The following CLMN variants were observed in gnomAD, a reference collection of about 807,000 sequenced individuals.
CLMN encodes calmin.
CLMN carries 57 observed loss-of-function variants against 92.7 expected under a neutral mutation model. The observed-to-expected ratio is 0.61, with a 90% CI of 0.50 to 0.77. The LOEUF is 0.77. Among genes scored for constraint, CLMN ranks in the 30% least tolerant of loss-of-function variants. The pLI, the probability that CLMN is intolerant of heterozygous loss-of-function variation, is 0.00. For missense variants in CLMN, 1,158 were observed against 1,237.5 expected, an observed-to-expected ratio of 0.94 and a Z score of 0.96; for synonymous variants, 466 against 470.6, an observed-to-expected ratio of 0.99 and a Z score of 0.13.
chr14:95,310,191 C>T (rs1018633717), intron 1 of CLMN, among the ~76,000 whole-genome samples: 2 of 152,242 alleles, frequency 1.3e-5, no homozygotes, highest in Non-Finnish European at 2.9e-5. Flanking sequence ...ACTTCCTGAA[C>T]AGCCTGCAGA....
At chr14:95,250,999 C>T (rs1031007760) in intron 1 of CLMN, among the ~76,000 whole-genome samples, 2 of 152,156 alleles carry the variant, frequency 1.3e-5, no homozygotes, top group African/African-American at 2.4e-5. Context: ...TGGTTCTTAA[C>T]GACAGTACAG....
Position 95,319,730 on chromosome 14 carries a change from G to A in CLMN, c.63C>T (p.Ile21=). The change falls in exon 1 of 13, where the codon ATC becomes ATT. Residue 21 remains isoleucine (I), a synonymous_variant. Transcript: ENST00000298912. ...REELIGQISD[I]RVQNLQVERE... is the part of the protein sequence containing the mutation. The stretch of plus-strand genomic sequence containing the variant: ...CGTTACCTTGCAGGTTCTGCACTCG[G>A]ATGTCGCTAATCTGCCCGATGAGCT... The A allele has an allele frequency of 6.3e-7, 1 of 1,599,086 alleles. No individual in the cohort carries two copies. The highest frequency in any genetic ancestry group is 1.1e-5 in the South Asian group (1 of 90,710).
intron 2 of CLMN, among the ~76,000 whole-genome samples, chr14:95,227,421 A>T (rs556022221): frequency 6.4e-4 from 98 of 152,256 alleles, no homozygotes; most frequent in South Asian, 1.0e-3. Context: ...CCTGAGCATG[A>T]CGGGATCAGG....
chr14:95,261,531 G>A lies in CLMN; in HGVS notation c.83-31398C>T, dbSNP rs192636680. ...TCCTGGGCATCTTGCTATCTAAAAC[G>A]GCCCTCAGGTATAGTGCTGAAGTGC... On this transcript the variant is annotated intron_variant, in intron 1 of 12. Transcript: ENST00000298912. 3.6e-3 allele frequency among the ~76,000 whole-genome samples: 552 copies of A among 152,306 alleles called. 5 individuals carry two copies. In the Middle Eastern group the frequency reaches 0.041, roughly 11 times the overall value.
chr14:95,258,317 GGTGT>G (rs1899092265), intron 1 of CLMN, among the ~76,000 whole-genome samples: 1 of 149,772 alleles, frequency 6.7e-6, no homozygotes, highest in East Asian at 2.0e-4. Flanking sequence ...GTGTGTGTGG[GGTGT>G]GTGTATGTGT....
At chr14:95,283,583 G>A (rs1341828726) in intron 1 of CLMN, among the ~76,000 whole-genome samples, 2 of 152,196 alleles carry the variant, frequency 1.3e-5, no homozygotes, top group African/African-American at 2.4e-5. Flanking sequence ...AATGCTGATA[G>A]CAACATGGAC....
chr14:95,275,324 C>T (rs1164008613), intron 1 of CLMN, among the ~76,000 whole-genome samples: 4 of 152,166 alleles, frequency 2.6e-5, no homozygotes, highest in Non-Finnish European at 5.9e-5. Flanking sequence ...AAACAGGATG[C>T]TGTAAGGAGG....
intron 2 of CLMN, 89 bp downstream of exon 2, chr14:95,229,983 A>G: frequency 8.2e-7 from 1 of 1,224,036 alleles, no homozygotes; most frequent in South Asian, 1.2e-5. Flanking sequence ...GAAAGAGCAC[A>G]GGTCACCAGC....
At chr14:95,233,441 G>GTCCA (rs566534447) in intron 1 of CLMN, among the ~76,000 whole-genome samples, 2,863 of 151,068 alleles carry the variant, frequency 0.019, 43 homozygotes, top group South Asian at 0.049. Flanking sequence ...TCATCCATCT[G>GTCCA]TCCATCCATC....
intron 10 of CLMN, among the ~76,000 whole-genome samples, chr14:95,195,919 G>C (rs915556460): frequency 1.3e-5 from 2 of 152,190 alleles, no homozygotes; most frequent in African/African-American, 2.4e-5. Context: ...GGTGTGCTAT[G>C]AGATTCCTGT....
chr14:95,312,642 C>T (rs1413426320), intron 1 of CLMN, among the ~76,000 whole-genome samples: 2 of 152,182 alleles, frequency 1.3e-5, no homozygotes, highest in Non-Finnish European at 2.9e-5. Context: ...GCCTTCCAGG[C>T]CCCTATATTC....
chr14:95,203,929 G>C lies in CLMN; in HGVS notation c.1420C>G (p.Gln474Glu). ...LAVEVAEEKE[Q>E]KQESSKIPES... ...GGAATCTTCGAGGATTCCTGTTTCT[G>C]TTCCTTTTCCTCAGCAACCTCAACT... The change falls in exon 9 of 13, where the codon CAG becomes GAG. Residue 474 changes from glutamine (Q) to glutamate (E), a missense_variant. By Grantham distance (29) the Gln-to-Glu change is conservative. Coordinates refer to ENST00000298912, the MANE Select transcript of CLMN (RefSeq NM_024734.4). 4 of 1,614,184 alleles carry C rather than the reference G, an allele frequency of 2.5e-6. No individual in the cohort carries two copies. The highest frequency in any genetic ancestry group is 2.5e-6 in the Non-Finnish European group (3 of 1,180,046).
intron 1 of CLMN, among the ~76,000 whole-genome samples, chr14:95,260,358 T>A (rs577049128): frequency 2.5e-4 from 38 of 151,194 alleles, no homozygotes; most frequent in African/African-American, 9.2e-4. Context: ...AGGAGAATGG[T>A]GTGAACCCAG....
chr14:95,236,122 C>T (rs930611838), intron 1 of CLMN, among the ~76,000 whole-genome samples: 1 of 152,250 alleles, frequency 6.6e-6, no homozygotes, highest in African/African-American at 2.4e-5. Context: ...TCAAACATTC[C>T]TGCGCAGCTG....
At chr14:95,216,833 C>T (rs987602697) in intron 4 of CLMN, among the ~76,000 whole-genome samples, 11 of 152,206 alleles carry the variant, frequency 7.2e-5, no homozygotes, top group African/African-American at 1.2e-4. Context: ...ATCTGTATCA[C>T]GTGGGACCCC....
At chr14:95,228,310 CCAAAA>C (rs1438889405) in intron 2 of CLMN, among the ~76,000 whole-genome samples, 1 of 152,112 alleles carries the variant, frequency 6.6e-6, no homozygotes, top group African/African-American at 2.4e-5. Flanking sequence ...GCTTTTTTCC[CCAAAA>C]TAACACTTCA....
At chr14:95,299,498 G>C (rs1210107297) in intron 1 of CLMN, among the ~76,000 whole-genome samples, 3 of 152,218 alleles carry the variant, frequency 2.0e-5, no homozygotes, top group Non-Finnish European at 4.4e-5. Flanking sequence ...CCAGGTGCTG[G>C]AGACACAGGA....
intron 8 of CLMN, among the ~76,000 whole-genome samples, chr14:95,207,950 T>C (rs1385179378): frequency 6.6e-6 from 1 of 152,208 alleles, no homozygotes; most frequent in Non-Finnish European, 1.5e-5. Context: ...CTGTGCTTCA[T>C]AGCTGAGTGA....
In CLMN at chr14:95,223,847, T is replaced by C; in HGVS notation, c.153A>G (p.Pro51=). ...WINLHLEKCN[P]PLEVKDLFVD... The stretch of plus-strand genomic sequence containing the variant: ...CGAATAAATCTTTAACTTCTAGAGG[T>C]GGGTTGCACTTTGAAAGAGAAGGGA... The change falls in exon 3 of 13, where the codon CCA becomes CCG. Residue 51 remains proline (P), a synonymous_variant. Coordinates refer to ENST00000298912, the MANE Select transcript of CLMN (RefSeq NM_024734.4). The C allele has an allele frequency of 1.2e-6, 2 of 1,611,124 alleles. No homozygotes were observed. The highest frequency in any genetic ancestry group is 1.1e-5 in the South Asian group (1 of 90,354).
Sources: allele counts gnomAD v4.1 joint callset (sites outside exome capture counted in the v4.1 genomes callset), GRCh38; gene constraint gnomAD v4.1.1; transcripts MANE v1.5; gene names NCBI Gene and HGNC (gene_info 2026-07-23, HGNC 2026-07-21).